The following TRHDE variants were observed in gnomAD, a reference collection of about 807,000 sequenced individuals.
The protein encoded by TRHDE is thyrotropin releasing hormone degrading enzyme.
A neutral mutation model predicts 125.7 loss-of-function variants in TRHDE; 72 were observed. The ratio of observed to expected loss-of-function variants is 0.57; its 90% CI spans 0.47 to 0.70. TRHDE has a LOEUF of 0.70. Ranked by LOEUF, TRHDE falls within the 30% of genes least tolerant of loss-of-function variation. The pLI is 0.00. For missense variants in TRHDE, 1,110 were observed against 1,327.1 expected, an observed-to-expected ratio of 0.84 and a Z score of 2.54; for synonymous variants, 509 against 509.1, an observed-to-expected ratio of 1.00 and a Z score of 0.00.
At position 72,546,129 on chromosome 12, in the gene TRHDE, G is replaced by T. The variant is rs1324970330; in HGVS notation, c.1788+3773G>T. Among the ~76,000 whole-genome samples, 3 of 151,554 alleles carry T rather than the reference G, an allele frequency of 2.0e-5. No homozygotes were observed. In the Admixed American group the frequency reaches 2.0e-4, roughly 10 times the overall value. On this transcript the variant is annotated intron_variant, in intron 7 of 18. Transcript: ENST00000261180. ...CGATTCTTCATCCTACACTTTCCTT[G>T]TCAATACCCTAACTCTCACATAAAA... is the stretch of plus-strand genomic sequence containing the variant.
intron 12 of TRHDE, among the ~76,000 whole-genome samples, chr12:72,587,205 T>G (rs149321798): frequency 3.1e-4 from 47 of 152,316 alleles, no homozygotes; most frequent in African/African-American, 1.1e-3. Flanking sequence ...CCCAGTTTAC[T>G]GTAGTTTTTA....
At chr12:72,146,278 A>G (rs1014974600) in intron 2 of TRHDE, among the ~76,000 whole-genome samples, 3 of 152,204 alleles carry the variant, frequency 2.0e-5, no homozygotes, top group Non-Finnish European at 4.4e-5. Flanking sequence ...CCTCACTCTT[A>G]GACTATATTA....
chr12:72,428,034 A>G (rs1874265244), intron 3 of TRHDE, among the ~76,000 whole-genome samples: 1 of 152,180 alleles, frequency 6.6e-6, no homozygotes, highest in East Asian at 1.9e-4. Flanking sequence ...CAGACAACAT[A>G]GAACAAAGAA....
At chr12:72,506,116 T>C (rs1426787731) in intron 6 of TRHDE, among the ~76,000 whole-genome samples, 1 of 152,148 alleles carries the variant, frequency 6.6e-6, no homozygotes, top group Non-Finnish European at 1.5e-5. Context: ...CTGGTGAACA[T>C]AGTGAGACTC....
Position 72,424,147 on chromosome 12 carries a change from G to A in TRHDE, c.1316-45611G>A, listed in dbSNP as rs548225093. On this transcript the variant is annotated intron_variant, in intron 3 of 18. Transcript: ENST00000261180. Reference sequence around the variant, plus strand: ...CAGCCCAAAACTAAGGTGTCAATAGGGGCATCCATGCTCTGAGACTCTGGG... The same window carrying A: ...CAGCCCAAAACTAAGGTGTCAATAGAGGCATCCATGCTCTGAGACTCTGGG... Among the ~76,000 whole-genome samples, 61 of 152,102 alleles carry A rather than the reference G, an allele frequency of 4.0e-4. 2 individuals carry two copies. The South Asian group carries it at 5.0e-3, about 12-fold the overall frequency.
intron 2 of TRHDE, among the ~76,000 whole-genome samples, chr12:72,122,956 A>G (rs1184914685): frequency 2.0e-5 from 3 of 152,156 alleles, no homozygotes; most frequent in Non-Finnish European, 4.4e-5. Flanking sequence ...AACAACAACA[A>G]CAAACCACAC....
chr12:72,291,479 C>T (rs2139434463), intron 2 of TRHDE, among the ~76,000 whole-genome samples: 1 of 152,338 alleles, frequency 6.6e-6, no homozygotes. Context: ...GGCATCCTTT[C>T]TTTTCCAATT....
intron 2 of TRHDE, among the ~76,000 whole-genome samples, chr12:72,220,031 A>G (rs910973225): frequency 4.6e-5 from 7 of 152,168 alleles, no homozygotes; most frequent in Admixed American, 2.0e-4. Context: ...GCATAAATAA[A>G]AAGTGGGATG....
At chr12:72,582,203 C>T (rs540654771) in intron 12 of TRHDE, 10 of 959,248 alleles carry the variant, frequency 1.0e-5, no homozygotes, top group East Asian at 1.2e-4. Flanking sequence ...AAAAATAATA[C>T]GCTTTTATTT....
chr12:72,380,884 T>TCC (rs1191085947), intron 3 of TRHDE, among the ~76,000 whole-genome samples: 18 of 150,836 alleles, frequency 1.2e-4, no homozygotes, highest in African/African-American at 4.1e-4. Context: ...TCTTCTTTCT[T>TCC]TCTTCCTTCC....
At chr12:72,482,995 T>C (rs542365143) in intron 5 of TRHDE, among the ~76,000 whole-genome samples, 2 of 152,002 alleles carry the variant, frequency 1.3e-5, no homozygotes, top group Non-Finnish European at 2.9e-5. Context: ...TACAACAAGA[T>C]AGTATTTTCT....
intron 6 of TRHDE, among the ~76,000 whole-genome samples, chr12:72,517,067 G>A (rs9668663): frequency 2.7e-5 from 4 of 150,624 alleles, no homozygotes; most frequent in African/African-American, 4.9e-5. Flanking sequence ...TGAGTATTTT[G>A]GCATCAATGT....
chr12:72,662,144 T>C (rs1177814197), intron 18 of TRHDE, among the ~76,000 whole-genome samples: 2 of 152,320 alleles, frequency 1.3e-5, no homozygotes, highest in Non-Finnish European at 1.5e-5. Context: ...ATCTTCCATG[T>C]GGTGCCCACC....
At chr12:72,571,281 C>A (rs1870720746) in intron 10 of TRHDE, among the ~76,000 whole-genome samples, 1 of 152,110 alleles carries the variant, frequency 6.6e-6, no homozygotes, top group Non-Finnish European at 1.5e-5. Context: ...AGAAAAAATT[C>A]TGTTAAATTC....
At chr12:72,420,841 G>C (rs1207186467) in intron 3 of TRHDE, among the ~76,000 whole-genome samples, 4 of 152,090 alleles carry the variant, frequency 2.6e-5, no homozygotes, top group East Asian at 1.9e-4. Flanking sequence ...TCTCAAACTT[G>C]GTTTAAAGCC....
At chr12:72,250,572 G>A (rs1432780654) in intron 2 of TRHDE, among the ~76,000 whole-genome samples, 2 of 151,882 alleles carry the variant, frequency 1.3e-5, no homozygotes, top group Non-Finnish European at 2.9e-5. Context: ...ATAGTCAAAA[G>A]GCAACTTAAA....
intron 7 of TRHDE, among the ~76,000 whole-genome samples, chr12:72,548,589 C>T (rs1320426375): frequency 1.3e-5 from 2 of 151,442 alleles, no homozygotes; most frequent in African/African-American, 4.8e-5. Context: ...AGTAATTATT[C>T]TTTTGGATAT....
At chr12:72,449,849 A>G (rs555293327) in intron 3 of TRHDE, among the ~76,000 whole-genome samples, 2 of 152,096 alleles carry the variant, frequency 1.3e-5, no homozygotes, top group African/African-American at 4.8e-5. Context: ...CTATTCTATA[A>G]TATAAAAATA....
At chr12:72,299,447 C>A (rs972247537) in intron 2 of TRHDE, among the ~76,000 whole-genome samples, 2 of 152,168 alleles carry the variant, frequency 1.3e-5, no homozygotes, top group Admixed American at 1.3e-4. Context: ...TGCCTAAAAC[C>A]AATCACTACC....
Sources: allele counts gnomAD v4.1 joint callset (sites outside exome capture counted in the v4.1 genomes callset), GRCh38; gene constraint gnomAD v4.1.1; transcripts MANE v1.5; gene names NCBI Gene and HGNC (gene_info 2026-07-23, HGNC 2026-07-21).